Variants in UVSSA observed in about 807,000 individuals in gnomAD.
The protein encoded by UVSSA is UV-stimulated scaffold protein A.
UVSSA carries 72 observed loss-of-function variants against 73.9 expected under a neutral mutation model. The ratio of observed to expected loss-of-function variants is 0.97; its 90% CI spans 0.81 to 1.19. UVSSA has a LOEUF of 1.19. Among genes scored for constraint, UVSSA ranks in the 50% most tolerant of loss-of-function variants. The pLI, the probability that UVSSA is intolerant of heterozygous loss-of-function variation, is 0.00. For synonymous variants in UVSSA, 454 were observed against 391.3 expected, an observed-to-expected ratio of 1.16 and a Z score of -1.89; for missense variants, 1,150 against 965.0, an observed-to-expected ratio of 1.19 and a Z score of -2.54.
chr4:1,365,729 T>C (rs989122239), intron 7 of UVSSA, among the ~76,000 whole-genome samples: 10 of 152,248 alleles, frequency 6.6e-5, no homozygotes, highest in African/African-American at 2.4e-4. Flanking sequence ...GGGAGAACCC[T>C]GTGTGGGGAG....
intron 7 of UVSSA, among the ~76,000 whole-genome samples, chr4:1,363,551 A>G (rs1056605361): frequency 6.6e-6 from 1 of 152,186 alleles, no homozygotes; most frequent in African/African-American, 2.4e-5. Context: ...CTTTTAGAAA[A>G]TTAAAACACA....
chr4:1,388,582 T>A (rs1720322201), downstream of UVSSA: 1 of 152,262 alleles, frequency 6.6e-6, no homozygotes, highest in Non-Finnish European at 1.5e-5. Context: ...TTGAATGTGA[T>A]GCTAACAATG....
In UVSSA at chr4:1,355,539, C is replaced by A. The variant is rs556139195; in HGVS notation, c.1176+294C>A. Among the ~76,000 whole-genome samples, 24 of 152,266 alleles carry A rather than the reference C, an allele frequency of 1.6e-4. No homozygotes were observed. In the South Asian group the frequency reaches 3.7e-3, roughly 24 times the overall value. On this transcript the variant is annotated intron_variant, in intron 7 of 13. Transcript: ENST00000389851. ...TCCAGGAAGCCACCAGTCAGGCTGT[C>A]CCCCCCGTGACTCCTTCTAGGGAGT...
intron 7 of UVSSA, chr4:1,356,920 A>G (rs1425747595): frequency 6.5e-6 from 1 of 152,904 alleles, no homozygotes; most frequent in African/African-American, 2.4e-5. Context: ...TGCAGTCTGC[A>G]GACAGTTTTG....
intron 7 of UVSSA, among the ~76,000 whole-genome samples, chr4:1,365,091 G>A (rs1234630338): frequency 6.6e-6 from 1 of 152,232 alleles, no homozygotes; most frequent in Non-Finnish European, 1.5e-5. Context: ...CGTGGATGGA[G>A]CAGTTGATGC....
At chr4:1,362,374 C>T (rs1159229956) in intron 7 of UVSSA, among the ~76,000 whole-genome samples, 1 of 152,206 alleles carries the variant, frequency 6.6e-6, no homozygotes, top group East Asian at 1.9e-4. Context: ...GGGGACTTGG[C>T]CCATTAGGGA....
rs370594909 is a variant in UVSSA, at chr4:1,376,098, C to T, written c.1498C>T (p.Pro500Ser). The T allele has an allele frequency of 4.4e-6, 7 of 1,605,230 alleles. No individual in the cohort carries two copies. The African/African-American group carries it at 9.4e-5, about 21-fold the overall frequency. ...QKLAAERARA[P>S]VVPYGVDLHY... ...GCTGGCAGCAGAGCGGGCCCGGGCG[C>T]CTGTGGTGCCCTACGGCGTGGACCT... The change falls in exon 10 of 14, where the codon CCT becomes TCT. Residue 500 changes from proline (P) to serine (S), a missense_variant. By Grantham distance (74) the Pro-to-Ser change is moderately conservative. Coordinates refer to ENST00000389851, the MANE Select transcript of UVSSA (RefSeq NM_020894.4).
downstream of UVSSA, chr4:1,388,943 T>A (rs1381672772): frequency 6.6e-6 from 1 of 152,206 alleles, no homozygotes; most frequent in Non-Finnish European, 1.5e-5. Flanking sequence ...ACTGACCTCA[T>A]AGATTGAGGT....
intron 11 of UVSSA, 39 bp from the exon 12 acceptor site, chr4:1,380,841 C>A (rs746718055): frequency 6.2e-7 from 1 of 1,600,576 alleles, no homozygotes; most frequent in Non-Finnish European, 8.5e-7. Context: ...GGCAAGCGGA[C>A]CCCTCCCCGC....
chr4:1,371,814 C>T (rs772537874), intron 8 of UVSSA, among the ~76,000 whole-genome samples: 4 of 152,188 alleles, frequency 2.6e-5, no homozygotes, highest in Non-Finnish European at 4.4e-5. Flanking sequence ...TGAGTGGGGA[C>T]ACAGAGCCAG....
At chr4:1,394,507 CT>C (rs1243825163) in exon 14 of UVSSA, 40 of 1,610,368 alleles carry the variant, frequency 2.5e-5, no homozygotes, top group Non-Finnish European at 3.3e-5. Context: ...GTCCCTGCAC[CT>C]CTTATGCATG....
intron 5 of UVSSA, 113 bp from the exon 6 acceptor site, chr4:1,354,622 T>C (rs1390737274): frequency 7.7e-5 from 65 of 844,766 alleles, no homozygotes; most frequent in Non-Finnish European, 1.2e-4. Context: ...GGCATGGGCG[T>C]CTGGCAGGTT....
chr4:1,352,880 GGC>G, intron 4 of UVSSA, 148 bp from the exon 5 acceptor site: 2 of 1,115,252 alleles, frequency 1.8e-6, no homozygotes, highest in Non-Finnish European at 2.5e-6. Flanking sequence ...GGAAGGTCGA[GGC>G]TGGGGTGAGC....
Position 1,349,866 on chromosome 4 carries a change from T to C in UVSSA, c.429+12T>C, listed in dbSNP as rs199674866. The C allele has an allele frequency of 1.3e-6, 2 of 1,519,506 alleles. No homozygotes were observed. Among genetic ancestry groups the C allele is most frequent in the East Asian group, 4.6e-5 (2 of 43,620 alleles). 94.1% of individuals were successfully genotyped at this position (1,519,506 alleles called of 1,614,324 possible). A position where few individuals can be genotyped will look rare whatever the true frequency, so the allele number is the denominator to read the frequency against. On this transcript the variant is annotated intron_variant, in intron 3 of 13. Coordinates refer to ENST00000389851, the MANE Select transcript of UVSSA (RefSeq NM_020894.4). Reference sequence around the variant, plus strand: ...GACACAACAAAAAGGTAGGTGGGCCTGGCCCATTTTTTCAGAGACTGGTTA... The same window carrying C: ...GACACAACAAAAAGGTAGGTGGGCCCGGCCCATTTTTTCAGAGACTGGTTA...
At chr4:1,362,339 C>A (rs2109166835) in intron 7 of UVSSA, among the ~76,000 whole-genome samples, 1 of 152,316 alleles carries the variant, frequency 6.6e-6, no homozygotes, top group East Asian at 1.9e-4. Flanking sequence ...GTGGACCAGC[C>A]TTGGGAGGCT....
chr4:1,376,859 G>A (rs544154574), intron 10 of UVSSA, among the ~76,000 whole-genome samples: 1 of 152,302 alleles, frequency 6.6e-6, no homozygotes, highest in African/African-American at 2.4e-5. Flanking sequence ...GGGTGGGGAG[G>A]ACAGTGCCAA....
upstream of UVSSA, among the ~76,000 whole-genome samples, chr4:1,342,477 CTG>C (rs1223548180): frequency 6.6e-6 from 1 of 152,194 alleles, no homozygotes; most frequent in African/African-American, 2.4e-5. Context: ...ACTTTATTGA[CTG>C]TCATTTGATC....
chr4:1,376,051 C>T lies in UVSSA; in HGVS notation c.1451C>T (p.Pro484Leu), dbSNP rs1718725644. The change falls in exon 10 of 14, where the codon CCA becomes CTA. Residue 484 changes from proline (P) to leucine (L), a missense_variant. By Grantham distance (98) the Pro-to-Leu change is moderately conservative. Transcript: ENST00000389851. The stretch of plus-strand genomic sequence containing the variant: ...TCCTGTAGCCCCTCCAGAGCGTTGC[C>T]AGAGCCACAGGAGGCCCAGAAGCTG... ...PSSASPSRALPEPQEAQKLAA... is the reference protein window; with the variant it reads ...PSSASPSRALLEPQEAQKLAA... 2 of 1,598,582 alleles carry T rather than the reference C, an allele frequency of 1.3e-6. No individual in the cohort carries two copies. Among genetic ancestry groups the T allele is most frequent in the Non-Finnish European group, 1.7e-6 (2 of 1,173,690 alleles).
intron 7 of UVSSA, among the ~76,000 whole-genome samples, chr4:1,355,797 G>A (rs368879945): frequency 5.3e-5 from 8 of 152,260 alleles, no homozygotes; most frequent in African/African-American, 1.9e-4. Context: ...GCGAGGGGCT[G>A]GAGGCTGGAG....
Sources: allele counts gnomAD v4.1 joint callset (sites outside exome capture counted in the v4.1 genomes callset), GRCh38; gene constraint gnomAD v4.1.1; transcripts MANE v1.5; gene names NCBI Gene and HGNC (gene_info 2026-07-23, HGNC 2026-07-21).